The following CDH18 variants were observed in gnomAD, a reference collection of about 807,000 sequenced individuals.
CDH18 encodes cadherin-18.
A neutral mutation model predicts 67.9 loss-of-function variants in CDH18; 31 were observed. The observed-to-expected ratio is 0.46, with a 90% confidence interval of 0.34 to 0.62. CDH18 has a LOEUF of 0.62. Among genes scored for constraint, CDH18 ranks in the 20% least tolerant of loss-of-function variants. The probability of loss-of-function intolerance (pLI) is 0.01; values close to 1 mark genes in which losing one functional copy is unlikely to be tolerated. For missense variants in CDH18, 890 were observed against 975.5 expected, an observed-to-expected ratio of 0.91 and a Z score of 1.17; for synonymous variants, 362 against 347.2, an observed-to-expected ratio of 1.04 and a Z score of -0.48.
chr5:20,548,781 C>T (rs16886288), intron 1 of CDH18, among the ~76,000 whole-genome samples: 15 of 152,130 alleles, frequency 9.9e-5, no homozygotes, highest in African/African-American at 3.6e-4. Flanking sequence ...TCTGTCCAAT[C>T]CTTATTTTTG....
intron 1 of CDH18, among the ~76,000 whole-genome samples, chr5:20,285,768 T>A (rs192944783): frequency 6.6e-6 from 1 of 151,750 alleles, no homozygotes; most frequent in South Asian, 2.1e-4. Flanking sequence ...AATTTAGTAA[T>A]AGTCAAATCA....
chr5:19,523,147 A>G (rs1747196692), intron 9 of CDH18, among the ~76,000 whole-genome samples: 1 of 152,140 alleles, frequency 6.6e-6, no homozygotes, highest in Non-Finnish European at 1.5e-5. Flanking sequence ...AGTAGTAACA[A>G]TAAGAATAAT....
intron 1 of CDH18, among the ~76,000 whole-genome samples, chr5:20,381,531 T>G (rs1160800691): frequency 6.6e-6 from 1 of 152,146 alleles, no homozygotes; most frequent in Non-Finnish European, 1.5e-5. Context: ...TATTTAACTT[T>G]TAAAATTTGT....
chr5:19,810,928 C>T (rs1778569549), intron 3 of CDH18, among the ~76,000 whole-genome samples: 1 of 151,692 alleles, frequency 6.6e-6, no homozygotes, highest in South Asian at 2.1e-4. Flanking sequence ...GAGGCTGAGG[C>T]AGGAGAATTG....
At chr5:20,537,955 G>C (rs1454203296) in intron 1 of CDH18, among the ~76,000 whole-genome samples, 1 of 152,052 alleles carries the variant, frequency 6.6e-6, no homozygotes, top group Non-Finnish European at 1.5e-5. Flanking sequence ...TAAATTTATA[G>C]GTATTTCCCA....
At chr5:19,811,301 G>T (rs1246924062) in intron 3 of CDH18, among the ~76,000 whole-genome samples, 1 of 152,012 alleles carries the variant, frequency 6.6e-6, no homozygotes, top group Non-Finnish European at 1.5e-5. Flanking sequence ...AAGAGATAGG[G>T]TCTTTACAGG....
chr5:20,211,504 C>A (rs1740352103), intron 2 of CDH18, among the ~76,000 whole-genome samples: 1 of 152,160 alleles, frequency 6.6e-6, no homozygotes, highest in Non-Finnish European at 1.5e-5. Flanking sequence ...TAGAGGCCAA[C>A]TGACACCTCA....
chr5:20,356,755 A>C (rs200225154), intron 1 of CDH18, among the ~76,000 whole-genome samples: 3,679 of 127,254 alleles, frequency 0.029, 51 homozygotes, highest in South Asian at 0.061. Context: ...CTCTCTCTCT[A>C]TATATATATA....
intron 2 of CDH18, among the ~76,000 whole-genome samples, chr5:20,111,527 C>G (rs1442432872): frequency 1.3e-5 from 1 of 74,570 alleles, no homozygotes; most frequent in Non-Finnish European, 3.7e-5. Context: ...CCCTCCCTCC[C>G]TTCCTTCCTT....
chr5:20,385,989 T>G (rs1358093254), intron 1 of CDH18, among the ~76,000 whole-genome samples: 1 of 152,210 alleles, frequency 6.6e-6, no homozygotes, highest in East Asian at 1.9e-4. Context: ...TTACACATAA[T>G]TTAATAATCA....
At chr5:20,453,136 G>A (rs1176326008) in intron 1 of CDH18, among the ~76,000 whole-genome samples, 1 of 152,100 alleles carries the variant, frequency 6.6e-6, no homozygotes, top group Non-Finnish European at 1.5e-5. Context: ...CCTGCACCCT[G>A]GTACTCATGA....
At chr5:19,996,206 G>A (rs1006968329) in intron 2 of CDH18, among the ~76,000 whole-genome samples, 2 of 151,896 alleles carry the variant, frequency 1.3e-5, no homozygotes, top group African/African-American at 4.8e-5. Context: ...GTTTTCCTTA[G>A]GAACATCTTA....
intron 1 of CDH18, among the ~76,000 whole-genome samples, chr5:20,416,390 A>G (rs2150151715): frequency 6.6e-6 from 1 of 152,212 alleles, no homozygotes; most frequent in East Asian, 1.9e-4. Context: ...TATTTTAGAG[A>G]AGCCTATAAT....
chr5:20,122,827 T>C (rs200016111), intron 2 of CDH18, among the ~76,000 whole-genome samples: 19 of 147,534 alleles, frequency 1.3e-4, no homozygotes, highest in East Asian at 2.0e-4. Flanking sequence ...TATATATATA[T>C]ACATATATAT....
At chr5:20,548,120 T>C (rs1244684866) in intron 1 of CDH18, among the ~76,000 whole-genome samples, 4 of 151,184 alleles carry the variant, frequency 2.6e-5, no homozygotes, top group Non-Finnish European at 5.9e-5. Flanking sequence ...GGTCACCAAC[T>C]AATGATCTAT....
chr5:20,263,717 G>T (rs1744830795), intron 1 of CDH18, among the ~76,000 whole-genome samples: 2 of 152,080 alleles, frequency 1.3e-5, no homozygotes, highest in African/African-American at 4.8e-5. Flanking sequence ...GTAGCTTTAG[G>T]TTCCATTTGG....
intron 5 of CDH18, among the ~76,000 whole-genome samples, chr5:19,644,337 G>C (rs879445405): frequency 1.5e-4 from 23 of 151,928 alleles, no homozygotes; most frequent in Non-Finnish European, 3.1e-4. Flanking sequence ...GGTCTGTGTC[G>C]CAAGAAGCAT....
chr5:20,009,176 C>T (rs1221264698), intron 2 of CDH18, among the ~76,000 whole-genome samples: 1 of 152,016 alleles, frequency 6.6e-6, no homozygotes. Context: ...CAGTATACCT[C>T]CCCCCAAGGA....
At chr5:20,252,836 C>T (rs1158847815) in intron 2 of CDH18, among the ~76,000 whole-genome samples, 1 of 151,608 alleles carries the variant, frequency 6.6e-6, no homozygotes, top group Non-Finnish European at 1.5e-5. Context: ...ACTTGGGAGA[C>T]TGAGGCAGGA....
Sources: allele counts gnomAD v4.1 joint callset (sites outside exome capture counted in the v4.1 genomes callset), GRCh38; gene constraint gnomAD v4.1.1; transcripts MANE v1.5; gene names NCBI Gene and HGNC (gene_info 2026-07-23, HGNC 2026-07-21).